ARHGAP32: variants seen among roughly 807,000 people sequenced by gnomAD.
ARHGAP32 encodes the protein Rho GTPase activating protein 32, also known as rho GTPase-activating protein 32.
Under a neutral mutation model 186.5 loss-of-function variants are expected in ARHGAP32, and 51 were observed. That is an observed-to-expected ratio of 0.27 (90% CI 0.22 to 0.35). ARHGAP32 has a LOEUF of 0.35. ARHGAP32 is among the 10% of genes least tolerant of loss of function. ARHGAP32 has a pLI of 1.00. For missense variants in ARHGAP32, 2,186 were observed against 2,623.5 expected (o/e 0.83, Z 3.64); for synonymous variants, 950 against 964.3 (o/e 0.99, Z 0.27).
chr11:129,070,125 A>C (rs1940824205), intron 6 of ARHGAP32, among the ~76,000 whole-genome samples: 1 of 152,070 alleles, frequency 6.6e-6, no homozygotes, highest in Admixed American at 6.6e-5. Context: ...ATCTGAATTT[A>C]TACTACCCTA....
At chr11:129,096,649 T>C (rs1455048862) in intron 5 of ARHGAP32, among the ~76,000 whole-genome samples, 1 of 151,532 alleles carries the variant, frequency 6.6e-6, no homozygotes, top group East Asian at 1.9e-4. Flanking sequence ...ATTTCAGAGA[T>C]CTATGCTGTG....
intron 9 of ARHGAP32, among the ~76,000 whole-genome samples, chr11:129,063,348 C>T (rs1940577823): frequency 6.6e-6 from 1 of 151,864 alleles, no homozygotes; most frequent in African/African-American, 2.4e-5. Context: ...CTCTCATTAG[C>T]CAATATATAT....
intron 2 of ARHGAP32, among the ~76,000 whole-genome samples, chr11:129,155,093 C>T (rs1271005347): frequency 6.6e-6 from 1 of 152,180 alleles, no homozygotes; most frequent in East Asian, 1.9e-4. Context: ...TATTGGAACA[C>T]TGTCACACTC....
intron 1 of ARHGAP32, among the ~76,000 whole-genome samples, chr11:129,236,815 C>T (rs939621846): frequency 2.0e-5 from 3 of 152,170 alleles, no homozygotes; most frequent in Admixed American, 6.5e-5. Context: ...GTAGGCATCC[C>T]TGTCTTGTTC....
chr11:129,111,225 T>C (rs2135339861), intron 5 of ARHGAP32, among the ~76,000 whole-genome samples: 1 of 152,336 alleles, frequency 6.6e-6, no homozygotes, highest in East Asian at 1.9e-4. Context: ...GTATCATGTT[T>C]ATTGATTTGT....
At chr11:128,985,858 G>GTGTGTATATATATATATATA (rs760311247) in intron 15 of ARHGAP32, 145 bp downstream of exon 15, 3 of 95,312 alleles carry the variant, frequency 3.1e-5, no homozygotes, top group African/African-American at 9.1e-5. Flanking sequence ...GTGTGTGTGT[G>GTGTGTATATATATATATATA]TATATATATA....
chr11:129,193,547 ATAAT>A (rs1262621990), upstream of ARHGAP32, among the ~76,000 whole-genome samples: 1 of 22,168 alleles, frequency 4.5e-5, no homozygotes, highest in Non-Finnish European at 8.3e-5. Context: ...TATATTATAT[ATAAT>A]ATATATATAT....
chr11:129,044,323 C>T (rs949585666), intron 10 of ARHGAP32, among the ~76,000 whole-genome samples: 2 of 152,266 alleles, frequency 1.3e-5, no homozygotes, highest in South Asian at 2.1e-4. Flanking sequence ...CTATTAACTA[C>T]GGCAGCCTGT....
At chr11:129,251,166 G>A (rs756058493) in intron 1 of ARHGAP32, among the ~76,000 whole-genome samples, 1 of 152,208 alleles carries the variant, frequency 6.6e-6, no homozygotes, top group Non-Finnish European at 1.5e-5. Context: ...AGGTGCTGAT[G>A]ATGAGGTAAT....
At chr11:129,221,721 A>T (rs558350271) in intron 1 of ARHGAP32, among the ~76,000 whole-genome samples, 14 of 151,968 alleles carry the variant, frequency 9.2e-5, no homozygotes, top group Non-Finnish European at 1.8e-4. Context: ...AGCTGAGGCC[A>T]ATAGTGGGCA....
At chr11:129,074,018 A>T (rs1035145181) in intron 6 of ARHGAP32, among the ~76,000 whole-genome samples, 3 of 152,216 alleles carry the variant, frequency 2.0e-5, no homozygotes, top group African/African-American at 7.2e-5. Context: ...ATGAAAGAGA[A>T]ATAAAGCTTG....
chr11:128,973,537 C>G, intron 21 of ARHGAP32, 105 bp from the exon 22 acceptor site: 2 of 1,258,194 alleles, frequency 1.6e-6, no homozygotes, highest in Non-Finnish European at 2.2e-6. Flanking sequence ...TAGGTGCCTT[C>G]CATATTTCAA....
At chr11:129,272,821 T>C (rs1482209513) in intron 1 of ARHGAP32, among the ~76,000 whole-genome samples, 1 of 152,260 alleles carries the variant, frequency 6.6e-6, no homozygotes, top group African/African-American at 2.4e-5. Context: ...CTTTGGTCTC[T>C]TGTCACTTCT....
chr11:128,971,260 G>T, intron 22 of ARHGAP32, 101 bp from the exon 23 acceptor site: 2 of 1,026,268 alleles, frequency 1.9e-6, no homozygotes, highest in Non-Finnish European at 2.8e-6. Context: ...TTGGGTAGCA[G>T]CTTGAACTTT....
At chr11:129,026,961 T>C (rs1261742418) in intron 11 of ARHGAP32, among the ~76,000 whole-genome samples, 3 of 150,972 alleles carry the variant, frequency 2.0e-5, no homozygotes, top group Non-Finnish European at 4.4e-5. Flanking sequence ...TAGCTGGGCA[T>C]AGTGGCGGGT....
chr11:129,214,443 G>C (rs1325668686), intron 1 of ARHGAP32, among the ~76,000 whole-genome samples: 1 of 152,130 alleles, frequency 6.6e-6, no homozygotes, highest in Non-Finnish European at 1.5e-5. Flanking sequence ...TATTTTAAGT[G>C]ACAGAAAACA....
At chr11:129,141,131 T>C (rs1943043276) in intron 2 of ARHGAP32, among the ~76,000 whole-genome samples, 1 of 152,230 alleles carries the variant, frequency 6.6e-6, no homozygotes, top group Non-Finnish European at 1.5e-5. Context: ...TATAAAATTG[T>C]ATATTGTCCA....
At chr11:129,027,467 C>T (rs1208725955) in intron 11 of ARHGAP32, among the ~76,000 whole-genome samples, 4 of 152,164 alleles carry the variant, frequency 2.6e-5, no homozygotes, top group African/African-American at 7.2e-5. Flanking sequence ...CCCTCTTGAC[C>T]TCATCTTATG....
chr11:129,080,874 A>C (rs1941199465), intron 6 of ARHGAP32, among the ~76,000 whole-genome samples: 1 of 152,050 alleles, frequency 6.6e-6, no homozygotes, highest in Non-Finnish European at 1.5e-5. Context: ...CAACCAAGAA[A>C]AGAAACGAGA....
Sources: allele counts gnomAD v4.1 joint callset (sites outside exome capture counted in the v4.1 genomes callset), GRCh38; gene constraint gnomAD v4.1.1; transcripts MANE v1.5; gene names NCBI Gene and HGNC (gene_info 2026-07-23, HGNC 2026-07-21).